FBP2: variants seen among roughly 807,000 people sequenced by gnomAD.
The protein encoded by FBP2 is fructose-bisphosphatase 2.
In FBP2, 27 loss-of-function variants were observed where a neutral mutation model predicts 31.6. The ratio of observed to expected loss-of-function variants is 0.85; its 90% CI spans 0.63 to 1.18. The LOEUF is 1.18. FBP2 is among the 50% of genes most tolerant of loss of function. FBP2 has a pLI of 0.00. For synonymous variants in FBP2, 168 were observed against 179.8 expected (o/e 0.93, Z 0.53); for missense variants, 421 against 436.1 (o/e 0.97, Z 0.31).
intron 3 of FBP2, among the ~76,000 whole-genome samples, chr9:94,579,974 T>G (rs1339088545): frequency 6.6e-6 from 1 of 152,256 alleles, no homozygotes; most frequent in Non-Finnish European, 1.5e-5. Context: ...AAGCTTCTCA[T>G]GCAGTTACTG....
intron 6 of FBP2, 81 bp from the exon 7 acceptor site, chr9:94,559,213 GTTTGTAC>G: frequency 7.7e-7 from 1 of 1,291,594 alleles, no homozygotes; most frequent in Non-Finnish European, 1.1e-6. Context: ...TGGGGGAGGA[GTTTGTAC>G]TGCGGTGCTT....
At chr9:94,573,533 T>C (rs1827289654) in intron 3 of FBP2, among the ~76,000 whole-genome samples, 1 of 152,168 alleles carries the variant, frequency 6.6e-6, no homozygotes, top group Non-Finnish European at 1.5e-5. Context: ...TTTTAAATAA[T>C]GAATGAGTGT....
At chr9:94,567,667 C>G in intron 4 of FBP2, 1 of 417,300 alleles carries the variant, frequency 2.4e-6, no homozygotes, top group Non-Finnish European at 4.3e-6. Flanking sequence ...AGTCTTCTTT[C>G]TTTTCCTGTG....
intron 5 of FBP2, among the ~76,000 whole-genome samples, chr9:94,564,624 C>A (rs571953239): frequency 6.6e-6 from 1 of 152,092 alleles, no homozygotes; most frequent in East Asian, 1.9e-4. Flanking sequence ...AACACATGGA[C>A]ACAAAGAGGG....
In FBP2 at chr9:94,582,609, G is replaced by A. The variant is rs1318277761; in HGVS notation, c.426+1968C>T. Among the ~76,000 whole-genome samples the A allele has an allele frequency of 3.5e-4, 52 of 149,304 alleles. 1 individual carries two copies. The highest frequency in any genetic ancestry group is 1.3e-3 in the African/African-American group (51 of 40,296). On this transcript the variant is annotated intron_variant, in intron 3 of 6. Coordinates refer to ENST00000375337, the MANE Select transcript of FBP2 (RefSeq NM_003837.4). Reference sequence around the variant, plus strand: ...GTCACCCAGGCTAGAGTGCAGTGGCGCGATCTTGGCTCACTACAAGCTCTG... The same window carrying A: ...GTCACCCAGGCTAGAGTGCAGTGGCACGATCTTGGCTCACTACAAGCTCTG...
At chr9:94,585,148 T>G (rs1449140865) in intron 2 of FBP2, among the ~76,000 whole-genome samples, 2 of 152,218 alleles carry the variant, frequency 1.3e-5, no homozygotes, top group Admixed American at 1.3e-4. Flanking sequence ...CCAATGAGTA[T>G]TGGCCTAGCT....
Position 94,567,251 on chromosome 9 carries a change from C to A in FBP2, c.705+19G>T. The A allele has an allele frequency of 6.2e-7, 1 of 1,613,878 alleles. No individual in the cohort carries two copies. Among genetic ancestry groups the A allele is most frequent in the South Asian group, 1.1e-5 (1 of 91,062 alleles). The stretch of plus-strand genomic sequence containing the variant: ...GGGACAGCATTCTGTCTGCCACCCA[C>A]CTGGCTTTCTTCACTCACCTCAGGG... On this transcript the variant is annotated intron_variant, in intron 5 of 6. Coordinates refer to ENST00000375337, the MANE Select transcript of FBP2 (RefSeq NM_003837.4).
chr9:94,559,507 C>T (rs113584448), intron 6 of FBP2, among the ~76,000 whole-genome samples: 14 of 150,042 alleles, frequency 9.3e-5, no homozygotes, highest in African/African-American at 3.5e-4. Context: ...ATATGTGAGA[C>T]CTCAAGGCTG....
At chr9:94,585,894 C>G (rs928458836) in intron 2 of FBP2, among the ~76,000 whole-genome samples, 1 of 151,550 alleles carries the variant, frequency 6.6e-6, no homozygotes, top group Admixed American at 6.6e-5. Context: ...TACAGGTGCA[C>G]ACCACCATGC....
chr9:94,588,357 C>G (rs925492856), intron 1 of FBP2, among the ~76,000 whole-genome samples: 1 of 152,130 alleles, frequency 6.6e-6, no homozygotes, highest in South Asian at 2.1e-4. Context: ...GCCAGGGCCT[C>G]GTGCCTGTAA....
In FBP2 at chr9:94,567,314, C is replaced by G; in HGVS notation, c.661G>C (p.Asp221His). 6.2e-7 allele frequency: 1 copy of G among 1,614,182 alleles called. No individual in the cohort carries two copies. The highest frequency in any genetic ancestry group is 8.5e-7 in the Non-Finnish European group (1 of 1,180,036). Residue 221 changes from aspartate (D) to histidine (H), a missense_variant, in exon 5 of 7, where the codon GAT (aspartate) becomes CAT (histidine). Asp to His is a moderately conservative substitution (Grantham distance 81). Transcript: ENST00000375337. The stretch of plus-strand genomic sequence containing the variant: ...TGCACATATTCAGTGGTGGCCGCAT[C>G]AAAATACTTGGCATAGCCCTCATTC... ...SLNEGYAKYF[D>H]AATTEYVQKK... is the part of the protein sequence containing the mutation.
rs181595760 is a variant in FBP2 at position 94,593,785 on chromosome 9, G to A, written c.-59C>T. The A allele has an allele frequency of 7.2e-4, 1,136 of 1,583,052 alleles. No homozygotes were observed. The highest frequency in any genetic ancestry group is 9.1e-4 in the Non-Finnish European group (1,052 of 1,158,080). ...GCAGGAAACCTTGCTTACTTCTGAG[G>A]GCTGCAGCTCCGCAGTGTGGAAGCC... On this transcript the variant is annotated 5_prime_UTR_variant, in exon 1 of 7. Transcript: ENST00000375337.
chr9:94,561,831 T>A (rs1827109398), intron 6 of FBP2, among the ~76,000 whole-genome samples: 1 of 152,096 alleles, frequency 6.6e-6, no homozygotes, highest in Non-Finnish European at 1.5e-5. Context: ...GAACTTTCAG[T>A]ATGGGTGGTG....
chr9:94,593,386 A>G (rs548120340), intron 1 of FBP2, among the ~76,000 whole-genome samples, 171 bp downstream of exon 1: 8 of 152,226 alleles, frequency 5.3e-5, no homozygotes, highest in Non-Finnish European at 1.2e-4. Context: ...AAACAAGTCA[A>G]AGGCCCCTTT....
chr9:94,592,964 C>T (rs573601724), intron 1 of FBP2, among the ~76,000 whole-genome samples: 57 of 152,276 alleles, frequency 3.7e-4, no homozygotes, highest in African/African-American at 1.3e-3. Context: ...CTCTGCGCTC[C>T]CCTCCCAGGA....
At chr9:94,588,028 T>C (rs1287885497) in intron 1 of FBP2, among the ~76,000 whole-genome samples, 1 of 151,788 alleles carries the variant, frequency 6.6e-6, no homozygotes, top group African/African-American at 2.4e-5. Flanking sequence ...TTTTTCTGTA[T>C]TTTTAGTAGA....
At chr9:94,578,452 TG>T (rs1211867571) in intron 3 of FBP2, among the ~76,000 whole-genome samples, 3 of 152,182 alleles carry the variant, frequency 2.0e-5, no homozygotes, top group Non-Finnish European at 4.4e-5. Flanking sequence ...AAATGAAATA[TG>T]TTTTTTAAGT....
intron 3 of FBP2, among the ~76,000 whole-genome samples, chr9:94,574,561 T>A (rs1013310342): frequency 1.3e-5 from 2 of 152,170 alleles, no homozygotes; most frequent in African/African-American, 2.4e-5. Flanking sequence ...CTTGTATATG[T>A]CACAAATATT....
At chr9:94,581,565 C>A (rs951993652) in intron 3 of FBP2, among the ~76,000 whole-genome samples, 1 of 152,154 alleles carries the variant, frequency 6.6e-6, no homozygotes, top group Non-Finnish European at 1.5e-5. Flanking sequence ...ATAGGGGTCC[C>A]ATCGAGGAAC....
Sources: allele counts gnomAD v4.1 joint callset (sites outside exome capture counted in the v4.1 genomes callset), GRCh38; gene constraint gnomAD v4.1.1; transcripts MANE v1.5; gene names NCBI Gene and HGNC (gene_info 2026-07-23, HGNC 2026-07-21).